Variants in KHDRBS2 observed in about 807,000 individuals in gnomAD.
KHDRBS2 encodes KH domain-containing, RNA-binding, signal transduction-associated protein 2.
Under a neutral mutation model 44.3 loss-of-function variants are expected in KHDRBS2, and 26 were observed. The observed-to-expected ratio is 0.59, with a 90% CI of 0.43 to 0.81. The LOEUF is 0.81. Ranked by LOEUF, KHDRBS2 falls within the 40% of genes least tolerant of loss-of-function variation. The pLI is 0.00. For missense variants in KHDRBS2, 476 were observed against 433.1 expected, an observed-to-expected ratio of 1.10 and a Z score of -0.88; for synonymous variants, 194 against 151.1, an observed-to-expected ratio of 1.28 and a Z score of -2.08.
chr6:62,236,691 T>A (rs1442352038), intron 1 of KHDRBS2, among the ~76,000 whole-genome samples: 3 of 152,080 alleles, frequency 2.0e-5, no homozygotes, highest in African/African-American at 7.2e-5. Flanking sequence ...CGAATGCTTA[T>A]TCTAATAATT....
chr6:61,546,932 C>T, the KHDRBS2 span, among the ~76,000 whole-genome samples: 1,113 of 152,188 alleles, frequency 7.3e-3, 7 homozygotes, highest in Non-Finnish European at 0.013. Context: ...AGTTCAGAGT[C>T]AAGGGTGACT....
At chr6:61,604,401 T>C in the KHDRBS2 span, among the ~76,000 whole-genome samples, 1 of 152,170 alleles carries the variant, frequency 6.6e-6, no homozygotes, top group African/African-American at 2.4e-5. Flanking sequence ...TCTCATCTGG[T>C]CACTCCCACC....
chr6:62,140,172 C>A (rs776611636), intron 2 of KHDRBS2, among the ~76,000 whole-genome samples: 6 of 152,040 alleles, frequency 3.9e-5, no homozygotes, highest in Admixed American at 6.6e-5. Context: ...TTAGCAATAT[C>A]TTTTAAAAGA....
chr6:61,923,028 T>C (rs186012770), intron 4 of KHDRBS2, among the ~76,000 whole-genome samples: 5 of 152,216 alleles, frequency 3.3e-5, no homozygotes, highest in African/African-American at 1.2e-4. Context: ...AAAACAGTTA[T>C]GATAAAATGT....
chr6:61,564,946 A>G, the KHDRBS2 span, among the ~76,000 whole-genome samples: 1 of 152,268 alleles, frequency 6.6e-6, no homozygotes, highest in African/African-American at 2.4e-5. Flanking sequence ...AAATAGACAT[A>G]CAGACCAATG....
chr6:61,922,052 G>A (rs1808169470), intron 4 of KHDRBS2, among the ~76,000 whole-genome samples: 1 of 151,832 alleles, frequency 6.6e-6, no homozygotes, highest in African/African-American at 2.4e-5. Flanking sequence ...CATTTTATAT[G>A]TATTAGCCAT....
At chr6:61,793,603 T>G (rs1784920636) in intron 6 of KHDRBS2, among the ~76,000 whole-genome samples, 1 of 152,024 alleles carries the variant, frequency 6.6e-6, no homozygotes, top group Admixed American at 6.6e-5. Context: ...ACTGAAAATT[T>G]TTAATATTAA....
At chr6:62,088,834 C>T (rs907087365) in intron 2 of KHDRBS2, among the ~76,000 whole-genome samples, 2 of 152,150 alleles carry the variant, frequency 1.3e-5, no homozygotes, top group African/African-American at 4.8e-5. Flanking sequence ...ACCCCTTGCC[C>T]CAGGTGCTCT....
intron 1 of KHDRBS2, among the ~76,000 whole-genome samples, chr6:62,215,212 T>C (rs1160777179): frequency 6.6e-6 from 1 of 151,924 alleles, no homozygotes; most frequent in Non-Finnish European, 1.5e-5. Flanking sequence ...AAGAGAGTTT[T>C]CCAATTCTGA....
chr6:61,635,331 A>G, the KHDRBS2 span, among the ~76,000 whole-genome samples: 1 of 151,976 alleles, frequency 6.6e-6, no homozygotes, highest in East Asian at 1.9e-4. Context: ...CGTGAAGATA[A>G]AAGGGAAGTG....
chr6:62,086,219 A>G (rs1798352671), intron 2 of KHDRBS2, among the ~76,000 whole-genome samples: 1 of 152,148 alleles, frequency 6.6e-6, no homozygotes, highest in Non-Finnish European at 1.5e-5. Context: ...TTTGACAGGA[A>G]TTGTTTTGAA....
chr6:61,636,487 T>C, the KHDRBS2 span, among the ~76,000 whole-genome samples: 1 of 152,110 alleles, frequency 6.6e-6, no homozygotes, highest in African/African-American at 2.4e-5. Context: ...ATTGTTCTCA[T>C]TAACAAAATG....
chr6:61,567,384 T>A, the KHDRBS2 span, among the ~76,000 whole-genome samples: 1 of 152,176 alleles, frequency 6.6e-6, no homozygotes, highest in Non-Finnish European at 1.5e-5. Context: ...AAAATACATC[T>A]TAGACTGTTT....
chr6:62,029,109 ACC>A (rs559713218), intron 3 of KHDRBS2, among the ~76,000 whole-genome samples: 20 of 152,030 alleles, frequency 1.3e-4, no homozygotes, highest in Non-Finnish European at 2.5e-4. Flanking sequence ...ATTATAATTT[ACC>A]TAAGTATGGG....
the KHDRBS2 span, among the ~76,000 whole-genome samples, chr6:61,546,172 A>G: frequency 6.6e-6 from 1 of 152,042 alleles, no homozygotes; most frequent in Non-Finnish European, 1.5e-5. Context: ...GTTTTCTGAC[A>G]AAATTTTAAG....
At chr6:62,122,859 T>A (rs138681267) in intron 2 of KHDRBS2, among the ~76,000 whole-genome samples, 3 of 149,108 alleles carry the variant, frequency 2.0e-5, no homozygotes, top group African/African-American at 7.5e-5. Flanking sequence ...TAAAAAGGTT[T>A]TATTTTTTCA....
At chr6:61,581,999 T>A in the KHDRBS2 span, among the ~76,000 whole-genome samples, 6 of 151,888 alleles carry the variant, frequency 4.0e-5, no homozygotes, top group East Asian at 5.8e-4. Context: ...AGAGATTTTT[T>A]AAAAAGAAAT....
chr6:62,184,099 G>T (rs867739742), intron 1 of KHDRBS2, among the ~76,000 whole-genome samples: 114 of 151,714 alleles, frequency 7.5e-4, no homozygotes, highest in African/African-American at 2.5e-3. Context: ...TAATAGAATA[G>T]AATAATGCAA....
chr6:62,113,082 G>A (rs1157846966), intron 2 of KHDRBS2, among the ~76,000 whole-genome samples: 3 of 152,076 alleles, frequency 2.0e-5, no homozygotes, highest in Admixed American at 2.0e-4. Context: ...GCTGCCCAGT[G>A]AATGGATTGC....
Sources: allele counts gnomAD v4.1 joint callset (sites outside exome capture counted in the v4.1 genomes callset), GRCh38; gene constraint gnomAD v4.1.1; transcripts MANE v1.5; gene names NCBI Gene and HGNC (gene_info 2026-07-23, HGNC 2026-07-21).